HHIPL1: variants seen among roughly 807,000 people sequenced by gnomAD.
The protein encoded by HHIPL1 is HHIP-like protein 1.
In HHIPL1, 43 loss-of-function variants were observed where a neutral mutation model predicts 61.8. The ratio of observed to expected loss-of-function variants is 0.70; its 90% CI spans 0.55 to 0.90. HHIPL1 has a LOEUF of 0.90. HHIPL1 is among the 40% of genes least tolerant of loss of function. The probability of loss-of-function intolerance (pLI) is 0.00; values close to 1 mark genes in which losing one functional copy is unlikely to be tolerated. For missense variants in HHIPL1, 1,056 were observed against 1,157.7 expected, an observed-to-expected ratio of 0.91 and a Z score of 1.28; for synonymous variants, 482 against 515.8, an observed-to-expected ratio of 0.93 and a Z score of 0.89.
chr14:99,670,663 C>A (rs907772683), intron 7 of HHIPL1, among the ~76,000 whole-genome samples: 4 of 152,228 alleles, frequency 2.6e-5, no homozygotes, highest in Admixed American at 2.6e-4. Context: ...CCCTGAGGTC[C>A]CATCCATTGT....
the HHIPL1 span, among the ~76,000 whole-genome samples, chr14:99,637,189 G>GAAGAAAGGAAGAAAGAAAGAAAGA: frequency 1.3e-5 from 1 of 78,388 alleles, no homozygotes; most frequent in African/African-American, 4.8e-5. Context: ...AGAAAGAATG[G>GAAGAAAGGAAGAAAGAAAGAAAGA]AAGAAAGAAA....
chr14:99,637,642 T>C, the HHIPL1 span, among the ~76,000 whole-genome samples: 1 of 151,952 alleles, frequency 6.6e-6, no homozygotes, highest in Non-Finnish European at 1.5e-5. Flanking sequence ...ACATGCCAGA[T>C]GCTGATCTGT....
chr14:99,636,606 A>G, the HHIPL1 span, among the ~76,000 whole-genome samples: 1 of 152,154 alleles, frequency 6.6e-6, no homozygotes, highest in Non-Finnish European at 1.5e-5. Context: ...GGAGTTCTAG[A>G]CAGCAGTTAA....
In HHIPL1 at chr14:99,657,214, G is replaced by A. The variant is rs2056063317; in HGVS notation, c.1046+71G>A. 21 of 1,523,386 alleles carry A rather than the reference G, an allele frequency of 1.4e-5. No individual in the cohort carries two copies. In the South Asian group the frequency reaches 2.1e-4, roughly 15 times the overall value. 94.4% of individuals were successfully genotyped at this position (1,523,386 alleles called of 1,614,324 possible). The stretch of plus-strand genomic sequence containing the variant: ...TGGGCTTCTCATACTCTTCCAGAGG[G>A]TGAGTTCCTTCCTCGGCCAGGCATT... On this transcript the variant is annotated intron_variant, in intron 3 of 8. Transcript: ENST00000330710.
chr14:99,614,555 C>T, the HHIPL1 span, among the ~76,000 whole-genome samples: 8 of 152,208 alleles, frequency 5.3e-5, no homozygotes, highest in African/African-American at 1.9e-4. Flanking sequence ...CCACCCCAGA[C>T]CAAGTCCATC....
chr14:99,634,800 G>C, the HHIPL1 span, among the ~76,000 whole-genome samples: 1,465 of 152,282 alleles, frequency 9.6e-3, 53 homozygotes, highest in East Asian at 0.11. Flanking sequence ...AGGAAGGCAG[G>C]CCGAGAGCCA....
chr14:99,660,380 C>T lies in HHIPL1; in HGVS notation c.1476C>T (p.Leu492=), dbSNP rs372666008. 4 of 1,613,864 alleles carry T rather than the reference C, an allele frequency of 2.5e-6. No individual in the cohort carries two copies. The highest frequency in any genetic ancestry group is 2.7e-5 in the African/African-American group (2 of 75,048). The change falls in exon 5 of 9, where the codon CTC becomes CTT. Residue 492 remains leucine, a synonymous_variant. Transcript: ENST00000330710. The surrounding 1 kb of genome is among the most constrained non-coding windows in gnomAD (Gnocchi z 4.9). ...GCGAGTACCCCAACCTGAACGGCCT[C>T]TACATTTTTGGGGATTTCATGAGCG... is the stretch of plus-strand genomic sequence containing the variant. ...RGCEYPNLNG[L]YIFGDFMSGR... is the part of the protein sequence containing the mutation.
the HHIPL1 span, among the ~76,000 whole-genome samples, chr14:99,619,722 C>G: frequency 2.0e-5 from 3 of 151,470 alleles, no homozygotes; most frequent in Non-Finnish European, 4.4e-5. Context: ...CCCCGCCCCC[C>G]ATCCTCCCCA....
the HHIPL1 span, among the ~76,000 whole-genome samples, chr14:99,607,694 C>A: frequency 6.6e-6 from 1 of 152,066 alleles, no homozygotes; most frequent in Admixed American, 6.5e-5. Context: ...ATGGTTGGGG[C>A]TGTGAGCTCC....
intron 8 of HHIPL1, among the ~76,000 whole-genome samples, chr14:99,674,736 G>A (rs773511661): frequency 2.6e-5 from 4 of 152,172 alleles, no homozygotes; most frequent in African/African-American, 4.8e-5. Flanking sequence ...GAGTTATGAA[G>A]TGCCAGGAGC....
At chr14:99,604,657 G>A in the HHIPL1 span, 1 of 152,150 alleles carries the variant, frequency 6.6e-6, no homozygotes, top group Non-Finnish European at 1.5e-5. Context: ...GGTAGGGCCG[G>A]GCTTCCCTTA....
Position 99,660,371 on chromosome 14 carries a change from G to T in HHIPL1, c.1467G>T (p.Leu489=). Residue 489 remains leucine, a synonymous_variant, in exon 5 of 9, where the codon CTG becomes CTT. Transcript: ENST00000330710. The surrounding 1 kb of genome is among the most constrained non-coding windows in gnomAD (Gnocchi z 4.9). Reference sequence around the variant, plus strand: ...ACCGGGGCTGCGAGTACCCCAACCTGAACGGCCTCTACATTTTTGGGGATT... The same window carrying T: ...ACCGGGGCTGCGAGTACCCCAACCTTAACGGCCTCTACATTTTTGGGGATT... ...YVYRGCEYPN[L]NGLYIFGDFM... is the part of the protein sequence containing the mutation. 6.2e-7 allele frequency: 1 copy of T among 1,614,034 alleles called. No homozygotes were observed. The highest frequency in any genetic ancestry group is 8.5e-7 in the Non-Finnish European group (1 of 1,179,922).
chr14:99,670,097 A>G (rs913485280), intron 7 of HHIPL1, among the ~76,000 whole-genome samples: 3 of 150,976 alleles, frequency 2.0e-5, no homozygotes, highest in African/African-American at 4.9e-5. Context: ...ATTAAACTCT[A>G]CAACTCCAGT....
At chr14:99,653,832 C>T (rs2055981153) in intron 2 of HHIPL1, among the ~76,000 whole-genome samples, 1 of 152,206 alleles carries the variant, frequency 6.6e-6, no homozygotes, top group Admixed American at 6.5e-5. Flanking sequence ...AGGAAATAAA[C>T]CCTGTAACAG....
chr14:99,666,608 C>T (rs1181569329), intron 6 of HHIPL1, among the ~76,000 whole-genome samples: 2 of 152,212 alleles, frequency 1.3e-5, no homozygotes, highest in Non-Finnish European at 2.9e-5. Flanking sequence ...GGGAGTTCCT[C>T]AAGGGGTTGG....
In HHIPL1 at chr14:99,672,304, G is replaced by A. The variant is rs191182062; in HGVS notation, c.1731-13G>A. 4.9e-5 allele frequency: 76 copies of A among 1,550,774 alleles called. No homozygotes were observed. The African/African-American group carries it at 9.2e-4, about 19-fold the overall frequency. On this transcript the variant is annotated splice_polypyrimidine_tract_variant and intron_variant, in intron 7 of 8. Transcript: ENST00000330710. ...CAGGGTGAGACTCATAACCTCCTGT[G>A]TGTCGTTGGCAGGCGGGCACCACCT...
the HHIPL1 span, among the ~76,000 whole-genome samples, chr14:99,619,927 C>T: frequency 1.3e-5 from 2 of 152,174 alleles, no homozygotes; most frequent in Non-Finnish European, 2.9e-5. Context: ...GATATTTTCC[C>T]ACCCCCAATC....
At chr14:99,622,687 C>G in the HHIPL1 span, among the ~76,000 whole-genome samples, 2 of 152,170 alleles carry the variant, frequency 1.3e-5, no homozygotes, top group South Asian at 2.1e-4. Flanking sequence ...CAGGGGGGTC[C>G]TGAGTTCCCA....
At chr14:99,619,936 T>A in the HHIPL1 span, among the ~76,000 whole-genome samples, 1 of 152,288 alleles carries the variant, frequency 6.6e-6, no homozygotes, top group East Asian at 1.9e-4. Context: ...CCACCCCCAA[T>A]CCACATCCTT....
Sources: gnomAD v4.1 joint callset for allele counts (sites outside exome capture counted in the v4.1 genomes callset) on GRCh38, gnomAD v4.1.1 for gene constraint, Gnocchi (gnomAD v3.1) non-coding constraint, MANE v1.5 for transcripts, NCBI Gene and HGNC (gene_info 2026-07-23, HGNC 2026-07-21) for gene names.